CHRM3: variants seen among roughly 807,000 people sequenced by gnomAD.
CHRM3 encodes the protein cholinergic receptor muscarinic 3.
CHRM3 carries 11 observed loss-of-function variants against 41.8 expected under a neutral mutation model. That is an observed-to-expected ratio of 0.26 (90% CI 0.17 to 0.44). CHRM3 has a LOEUF of 0.44. CHRM3 is among the 20% of genes least tolerant of loss of function. CHRM3 has a pLI of 1.00. For missense variants in CHRM3, 571 were observed against 745.4 expected, an observed-to-expected ratio of 0.77 and a Z score of 2.72; for synonymous variants, 297 against 301.4, an observed-to-expected ratio of 0.99 and a Z score of 0.15.
At chr1:239,873,646 A>T (rs1676786296) in intron 6 of CHRM3, among the ~76,000 whole-genome samples, 1 of 151,582 alleles carries the variant, frequency 6.6e-6, no homozygotes, top group South Asian at 2.1e-4. Context: ...CTGTTGAAAA[A>T]CCTTTAGCAG....
intron 5 of CHRM3, among the ~76,000 whole-genome samples, chr1:239,773,442 C>G (rs1667845950): frequency 6.6e-6 from 1 of 152,142 alleles, no homozygotes; most frequent in African/African-American, 2.4e-5. Flanking sequence ...AACTACTTAA[C>G]CCTGGCATTA....
At chr1:239,642,430 C>A (rs1671266362) in intron 4 of CHRM3, among the ~76,000 whole-genome samples, 1 of 152,160 alleles carries the variant, frequency 6.6e-6, no homozygotes, top group Non-Finnish European at 1.5e-5. Flanking sequence ...GGTCTTTTGA[C>A]ATAGTCCCAT....
At chr1:239,787,226 A>T (rs1668973226) in intron 5 of CHRM3, among the ~76,000 whole-genome samples, 1 of 152,180 alleles carries the variant, frequency 6.6e-6, no homozygotes, top group Non-Finnish European at 1.5e-5. Flanking sequence ...GAGTCATCTC[A>T]TCATGGTATC....
chr1:239,618,704 C>A (rs531004677), intron 3 of CHRM3, among the ~76,000 whole-genome samples: 5 of 150,522 alleles, frequency 3.3e-5, no homozygotes, highest in African/African-American at 7.3e-5. Flanking sequence ...ATTAGCTGGG[C>A]GTGGTGGCAG....
chr1:239,829,041 C>T (rs111807964), intron 6 of CHRM3, among the ~76,000 whole-genome samples: 3 of 152,164 alleles, frequency 2.0e-5, no homozygotes, highest in African/African-American at 7.2e-5. Flanking sequence ...CACTTGCTTT[C>T]TTGAAATGTC....
At chr1:239,596,360 T>C (rs1664771860) in intron 3 of CHRM3, among the ~76,000 whole-genome samples, 1 of 151,964 alleles carries the variant, frequency 6.6e-6, no homozygotes, top group South Asian at 2.1e-4. Context: ...AATTTTTTTT[T>C]AAGTGGAAGG....
intron 5 of CHRM3, among the ~76,000 whole-genome samples, chr1:239,786,224 A>G (rs773178699): frequency 3.3e-5 from 5 of 152,154 alleles, no homozygotes; most frequent in Non-Finnish European, 4.4e-5. Context: ...TATTTTTAAA[A>G]CAAACAGCAC....
chr1:239,458,894 C>G (rs1030441548), intron 1 of CHRM3, among the ~76,000 whole-genome samples: 17 of 152,048 alleles, frequency 1.1e-4, no homozygotes, highest in Admixed American at 3.9e-4. Context: ...GAGACCCCCC[C>G]CCATCAGGGT....
At chr1:239,896,217 C>G (rs1404066140) in intron 6 of CHRM3, among the ~76,000 whole-genome samples, 1 of 152,206 alleles carries the variant, frequency 6.6e-6, no homozygotes, top group Admixed American at 6.5e-5. Flanking sequence ...GTTTGGAATG[C>G]TGTGTCCTCT....
intron 1 of CHRM3, among the ~76,000 whole-genome samples, chr1:239,427,602 C>T (rs1022325281): frequency 3.3e-5 from 5 of 152,026 alleles, no homozygotes; most frequent in Admixed American, 6.6e-5. Context: ...CACCTGGAGG[C>T]TTCATAGAGG....
intron 5 of CHRM3, among the ~76,000 whole-genome samples, chr1:239,816,644 G>T (rs926704425): frequency 6.6e-6 from 1 of 152,060 alleles, no homozygotes; most frequent in African/African-American, 2.4e-5. Context: ...CTAGTAGACT[G>T]CCTGGGCTCA....
At position 239,908,918 on chromosome 1, in the gene CHRM3, G is replaced by A. The variant is rs762495692; in HGVS notation, c.1467G>A (p.Ala489=). The change falls in exon 7 of 7, where the codon GCG becomes GCA. Residue 489 remains alanine (A), a synonymous_variant. Coordinates refer to ENST00000676153, the MANE Select transcript of CHRM3 (RefSeq NM_001375978.1). This position sits in a 1 kb window ranked among gnomAD's most constrained non-coding sequence, Gnocchi z 7.2. The part of the protein sequence containing the change: ...KRMSLVKEKK[A]AQTLSAILLA... ...TGTCCCTGGTCAAGGAGAAGAAAGC[G>A]GCCCAGACCCTCAGTGCGATCTTGC... The A allele has an allele frequency of 1.3e-5, 21 of 1,613,944 alleles. No individual in the cohort carries two copies. The highest frequency in any genetic ancestry group is 2.2e-5 in the South Asian group (2 of 91,084).
intron 4 of CHRM3, among the ~76,000 whole-genome samples, chr1:239,634,391 A>C (rs5007863): frequency 3.1e-4 from 28 of 90,074 alleles, no homozygotes; most frequent in East Asian, 1.1e-3. Flanking sequence ...GAAAGAAAGA[A>C]AGAAAGAAAG....
At chr1:239,395,669 T>A (rs930881953) in intron 1 of CHRM3, among the ~76,000 whole-genome samples, 4 of 152,146 alleles carry the variant, frequency 2.6e-5, no homozygotes, top group African/African-American at 9.7e-5. Context: ...GAATCTGCAT[T>A]TCTAACCAGC....
At chr1:239,456,122 A>T (rs1664915250) in intron 1 of CHRM3, among the ~76,000 whole-genome samples, 4 of 152,142 alleles carry the variant, frequency 2.6e-5, no homozygotes, top group Non-Finnish European at 5.9e-5. Context: ...CAGTTCTTTG[A>T]TACTTTTTTT....
intron 1 of CHRM3, among the ~76,000 whole-genome samples, chr1:239,469,550 A>T (rs977968714): frequency 6.6e-6 from 1 of 152,178 alleles, no homozygotes; most frequent in East Asian, 1.9e-4. Flanking sequence ...TTTTTAAAAA[A>T]TTTTTTTATT....
intron 5 of CHRM3, among the ~76,000 whole-genome samples, chr1:239,679,602 G>A (rs546312009): frequency 1.3e-5 from 2 of 152,088 alleles, no homozygotes; most frequent in Non-Finnish European, 2.9e-5. Flanking sequence ...TTTCCAAAGA[G>A]TTCTACTTTT....
At chr1:239,831,598 G>T (rs2149100478) in intron 6 of CHRM3, among the ~76,000 whole-genome samples, 1 of 152,306 alleles carries the variant, frequency 6.6e-6, no homozygotes, top group South Asian at 2.1e-4. Context: ...CAAACAGACT[G>T]ATGGAACTGT....
At chr1:239,757,912 A>G (rs1360959707) in intron 5 of CHRM3, among the ~76,000 whole-genome samples, 1 of 152,218 alleles carries the variant, frequency 6.6e-6, no homozygotes, top group Non-Finnish European at 1.5e-5. Flanking sequence ...ATGTTTAAAG[A>G]CAAGTCACTC....
Sources: allele counts gnomAD v4.1 joint callset (sites outside exome capture counted in the v4.1 genomes callset), GRCh38; gene constraint gnomAD v4.1.1; non-coding constraint Gnocchi (gnomAD v3.1); transcripts MANE v1.5; gene names NCBI Gene and HGNC (gene_info 2026-07-23, HGNC 2026-07-21).